SORD: variants seen among roughly 807,000 people sequenced by gnomAD.
The protein encoded by SORD is sorbitol dehydrogenase, also known as (R,R)-butanediol dehydrogenase.
Under a neutral mutation model 35.6 loss-of-function variants are expected in SORD, and 18 were observed. The ratio of observed to expected loss-of-function variants is 0.51; its 90% CI spans 0.35 to 0.75. SORD has a LOEUF of 0.75. SORD is among the 30% of genes least tolerant of loss of function. The pLI is 0.01. For missense variants in SORD, 250 were observed against 390.2 expected (o/e 0.64, Z 3.03); for synonymous variants, 106 against 152.9 (o/e 0.69, Z 2.26).
chr15:45,032,282 AGATGGT>A (rs1892798796), intron 1 of SORD, among the ~76,000 whole-genome samples: 1 of 151,484 alleles, frequency 6.6e-6, no homozygotes, highest in Admixed American at 6.6e-5. Context: ...AAAAGATTTA[AGATGGT>A]AAATTTTATG....
chr15:45,027,105 T>C (rs933457157), intron 1 of SORD, among the ~76,000 whole-genome samples: 1 of 152,258 alleles, frequency 6.6e-6, no homozygotes, highest in Non-Finnish European at 1.5e-5. Flanking sequence ...GGTTTTCTTT[T>C]ATAGTTAGGA....
intron 1 of SORD, among the ~76,000 whole-genome samples, chr15:45,034,970 G>A (rs780468879): frequency 4.6e-5 from 7 of 152,190 alleles, no homozygotes; most frequent in Non-Finnish European, 7.4e-5. Context: ...GAGGGGCTTA[G>A]CACCCGGGCC....
intron 1 of SORD, among the ~76,000 whole-genome samples, chr15:45,023,643 CT>C (rs1268308075): frequency 2.6e-5 from 4 of 152,248 alleles, no homozygotes; most frequent in African/African-American, 7.2e-5. Flanking sequence ...CCTTTGCCAG[CT>C]GCAGATTCAT....
At chr15:45,054,036 G>C (rs1035835400) in intron 3 of SORD, among the ~76,000 whole-genome samples, 1 of 148,682 alleles carries the variant, frequency 6.7e-6, no homozygotes, top group African/African-American at 2.5e-5. Context: ...TCTTAATCCA[G>C]TCTATCATTG....
chr15:45,057,263 C>CT (rs1194225034), intron 3 of SORD, among the ~76,000 whole-genome samples: 4 of 151,770 alleles, frequency 2.6e-5, no homozygotes, highest in Non-Finnish European at 4.4e-5. Context: ...TGTATTTAAC[C>CT]TTTTTTTAGG....
At chr15:45,031,046 GC>G (rs67335344) in intron 1 of SORD, among the ~76,000 whole-genome samples, 31,096 of 150,630 alleles carry the variant, frequency 0.21, 5 homozygotes, top group African/African-American at 0.44. Flanking sequence ...GGAGGTCGGG[GC>G]AGCCATGGTG....
intron 1 of SORD, among the ~76,000 whole-genome samples, chr15:45,024,091 G>A (rs1435415795): frequency 1.3e-5 from 2 of 152,112 alleles, no homozygotes; most frequent in African/African-American, 4.8e-5. Context: ...CTTAGACCCT[G>A]CCTTTTGCTC....
chr15:45,073,569 T>A lies in SORD; in HGVS notation c.*39T>A, dbSNP rs1893549048. The A allele has an allele frequency of 2.5e-6, 4 of 1,588,046 alleles. No individual in the cohort carries two copies. In the Admixed American group the frequency reaches 5.3e-5, roughly 21 times the overall value. ...TGCCCTCATCCCCACAGTCTTGGGA[T>A]CTCAGGGCACAATGGCTGGACATGG... On this transcript the variant is annotated 3_prime_UTR_variant, in exon 9 of 9. Transcript: ENST00000267814.
intron 1 of SORD, among the ~76,000 whole-genome samples, chr15:45,027,838 T>C (rs1892701757): frequency 6.6e-6 from 1 of 152,236 alleles, no homozygotes; most frequent in South Asian, 2.1e-4. Flanking sequence ...GTTTTTACAA[T>C]GTAGGGTTCA....
At chr15:45,053,156 C>A (rs1281312023) in intron 3 of SORD, among the ~76,000 whole-genome samples, 3 of 152,216 alleles carry the variant, frequency 2.0e-5, no homozygotes, top group Admixed American at 1.3e-4. Context: ...GAGGTTGCCG[C>A]TGATGATGAC....
intron 1 of SORD, among the ~76,000 whole-genome samples, chr15:45,038,196 T>C (rs1892904679): frequency 3.0e-5 from 4 of 135,258 alleles, no homozygotes; most frequent in Admixed American, 2.4e-4. Flanking sequence ...TCCTTCCTTC[T>C]GATGTAGCCA....
intron 3 of SORD, among the ~76,000 whole-genome samples, chr15:45,060,510 C>G (rs1471758363): frequency 6.6e-6 from 1 of 152,116 alleles, no homozygotes; most frequent in Non-Finnish European, 1.5e-5. Context: ...TTGGCCTTTG[C>G]AGTTCTACTA....
chr15:45,062,798 T>C (rs1400087670), intron 4 of SORD, among the ~76,000 whole-genome samples: 1 of 130,408 alleles, frequency 7.7e-6, no homozygotes, highest in East Asian at 2.0e-4. Flanking sequence ...CAATTACAAC[T>C]GTGTGACCTT....
intron 1 of SORD, among the ~76,000 whole-genome samples, chr15:45,038,459 C>T (rs1251418411): frequency 6.6e-6 from 1 of 152,172 alleles, no homozygotes; most frequent in East Asian, 1.9e-4. Flanking sequence ...GCAGCAATAA[C>T]ATTAAAGCTT....
chr15:45,057,752 C>T (rs529575927), intron 3 of SORD, among the ~76,000 whole-genome samples: 1 of 152,192 alleles, frequency 6.6e-6, no homozygotes, highest in South Asian at 2.1e-4. Flanking sequence ...CACTGCACTC[C>T]AGCCTGGGCA....
intron 3 of SORD, among the ~76,000 whole-genome samples, chr15:45,053,515 G>A (rs1373428245): frequency 6.6e-6 from 1 of 152,146 alleles, no homozygotes; most frequent in Non-Finnish European, 1.5e-5. Flanking sequence ...ACTTTTTTCT[G>A]CCTCATTCTA....
At chr15:45,040,612 C>G (rs1302591997) in intron 2 of SORD, among the ~76,000 whole-genome samples, 171 bp downstream of exon 2, 2 of 152,150 alleles carry the variant, frequency 1.3e-5, no homozygotes, top group African/African-American at 4.8e-5. Context: ...CACAGCATGA[C>G]CTGGTGGGAA....
intron 1 of SORD, among the ~76,000 whole-genome samples, chr15:45,029,463 T>G (rs1041086503): frequency 2.6e-5 from 4 of 152,276 alleles, no homozygotes; most frequent in Admixed American, 6.5e-5. Context: ...CTCCAGGCAC[T>G]GACACAGGAG....
intron 3 of SORD, among the ~76,000 whole-genome samples, chr15:45,048,997 G>A (rs1254574923): frequency 1.3e-5 from 2 of 152,112 alleles, no homozygotes; most frequent in East Asian, 3.8e-4. Context: ...TATGTTTTAG[G>A]CAAGCCCCTG....
Sources: allele counts gnomAD v4.1 joint callset (sites outside exome capture counted in the v4.1 genomes callset), GRCh38; gene constraint gnomAD v4.1.1; transcripts MANE v1.5; gene names NCBI Gene and HGNC (gene_info 2026-07-23, HGNC 2026-07-21).